The following HORMAD2 variants were observed in gnomAD, a reference collection of about 807,000 sequenced individuals.
HORMAD2 encodes the protein HORMA domain-containing protein 2.
In HORMAD2, 45 loss-of-function variants were observed where a neutral mutation model predicts 38.8. That is an observed-to-expected ratio of 1.16 (90% confidence interval 0.91 to 1.49). HORMAD2 has a LOEUF of 1.49. Ranked by LOEUF, HORMAD2 falls within the 40% of genes most tolerant of loss-of-function variation. The pLI is 0.00. For missense variants in HORMAD2, 338 were observed against 367.0 expected, an observed-to-expected ratio of 0.92 and a Z score of 0.65; for synonymous variants, 126 against 122.8, an observed-to-expected ratio of 1.03 and a Z score of -0.17.
At chr22:30,165,953 T>A (rs1925752215) in intron 10 of HORMAD2, among the ~76,000 whole-genome samples, 1 of 151,504 alleles carries the variant, frequency 6.6e-6, no homozygotes, top group African/African-American at 2.4e-5. Flanking sequence ...TCCCTTTATT[T>A]TTATTATTAT....
chr22:30,156,340 AT>A (rs1431253944), intron 10 of HORMAD2, among the ~76,000 whole-genome samples: 1 of 152,224 alleles, frequency 6.6e-6, no homozygotes, highest in Non-Finnish European at 1.5e-5. Context: ...AAAAAAGCAT[AT>A]ATTATTAGTA....
intron 2 of HORMAD2, among the ~76,000 whole-genome samples, chr22:30,095,142 T>G (rs551504058): frequency 6.6e-6 from 1 of 152,288 alleles, no homozygotes; most frequent in Admixed American, 6.5e-5. Flanking sequence ...TTCTTCTGTC[T>G]GTGTATTTAT....
intron 10 of HORMAD2, among the ~76,000 whole-genome samples, chr22:30,129,217 C>CA (rs750796623): frequency 0.016 from 369 of 22,640 alleles, 86 homozygotes; most frequent in Non-Finnish European, 0.025. Flanking sequence ...GACTCTATCT[C>CA]AAAAAAAAAA....
At chr22:30,142,414 T>G (rs768777209) in intron 10 of HORMAD2, among the ~76,000 whole-genome samples, 12 of 152,236 alleles carry the variant, frequency 7.9e-5, no homozygotes, top group Non-Finnish European at 1.5e-4. Flanking sequence ...TAGTTTAGAC[T>G]GTTGTTCAGA....
the HORMAD2 span, among the ~76,000 whole-genome samples, chr22:30,200,724 C>G: frequency 8.2e-6 from 1 of 122,154 alleles, no homozygotes; most frequent in Admixed American, 9.3e-5. Context: ...TTAAAAACAA[C>G]AGAAATGTAT....
downstream of HORMAD2, among the ~76,000 whole-genome samples, chr22:30,181,707 G>A (rs1016946536): frequency 5.9e-5 from 9 of 152,190 alleles, no homozygotes; most frequent in African/African-American, 9.7e-5. Flanking sequence ...GTTCCAAAGC[G>A]TAGAACATAG....
At position 30,121,990 on chromosome 22, in the gene HORMAD2, G is replaced by A. The variant is rs755814054; in HGVS notation, c.595G>A (p.Gly199Ser). Reference sequence around the variant, plus strand: ...GACCCCACATGATTACCAACCCCTCGGTTTTAAAGAAGGGGTAAATTCACA... The same window carrying A: ...GACCCCACATGATTACCAACCCCTCAGTTTTAAAGAAGGGGTAAATTCACA... ...AVTPHDYQPL[G>S]FKEGVNSHFL... The change falls in exon 10 of 11, where the codon GGT (glycine) becomes AGT (serine). Residue 199 changes from glycine to serine, a missense_variant. Coordinates refer to ENST00000336726, the MANE Select transcript of HORMAD2 (RefSeq NM_152510.4). The A allele has an allele frequency of 8.1e-6, 13 of 1,611,376 alleles. No individual in the cohort carries two copies. The highest frequency in any genetic ancestry group is 1.3e-5 in the African/African-American group (1 of 74,830).
At chr22:30,134,525 G>T (rs1166634748) in intron 10 of HORMAD2, among the ~76,000 whole-genome samples, 2 of 149,880 alleles carry the variant, frequency 1.3e-5, no homozygotes, top group Admixed American at 6.7e-5. Flanking sequence ...GAGGCCAATT[G>T]TGTTTCTAAC....
chr22:30,202,931 C>T, the HORMAD2 span, among the ~76,000 whole-genome samples: 1 of 152,140 alleles, frequency 6.6e-6, no homozygotes, highest in Admixed American at 6.6e-5. Context: ...AGAGCCACTC[C>T]CTGAGGTGGA....
At chr22:30,131,755 C>T (rs1923301326) in intron 10 of HORMAD2, among the ~76,000 whole-genome samples, 1 of 152,144 alleles carries the variant, frequency 6.6e-6, no homozygotes, top group Non-Finnish European at 1.5e-5. Context: ...GCCTGGATTT[C>T]TGCATCTTAT....
At chr22:30,183,805 G>A in the HORMAD2 span, among the ~76,000 whole-genome samples, 3 of 152,182 alleles carry the variant, frequency 2.0e-5, no homozygotes, top group Admixed American at 6.5e-5. Flanking sequence ...GATATAGAAG[G>A]AAGTTGTCCA....
At chr22:30,174,800 A>G (rs537454678) in intron 10 of HORMAD2, among the ~76,000 whole-genome samples, 13 of 152,300 alleles carry the variant, frequency 8.5e-5, no homozygotes, top group Non-Finnish European at 1.8e-4. Context: ...CATCTCCTAG[A>G]TAACAACTTG....
At chr22:30,133,276 G>A (rs1923411138) in intron 10 of HORMAD2, among the ~76,000 whole-genome samples, 1 of 151,952 alleles carries the variant, frequency 6.6e-6, no homozygotes, top group Non-Finnish European at 1.5e-5. Flanking sequence ...ATGAGATTAT[G>A]CTTGTAACAA....
the HORMAD2 span, among the ~76,000 whole-genome samples, chr22:30,191,515 G>A: frequency 6.6e-6 from 1 of 152,066 alleles, no homozygotes; most frequent in Non-Finnish European, 1.5e-5. Context: ...CAGTTGGGAG[G>A]AATTAGAGTC....
intron 10 of HORMAD2, among the ~76,000 whole-genome samples, chr22:30,141,920 C>A (rs1407473671): frequency 6.6e-6 from 1 of 152,082 alleles, no homozygotes; most frequent in East Asian, 1.9e-4. Context: ...TATTTCTATC[C>A]TTTTACATTT....
chr22:30,161,199 C>G (rs1033669322), intron 10 of HORMAD2, among the ~76,000 whole-genome samples: 2 of 152,174 alleles, frequency 1.3e-5, no homozygotes, highest in African/African-American at 4.8e-5. Context: ...GATCTTCCAT[C>G]TTAGACAATT....
At chr22:30,111,860 C>A (rs772994774) in intron 6 of HORMAD2, 44 bp downstream of exon 6, 1 of 1,496,022 alleles carries the variant, frequency 6.7e-7, no homozygotes, top group Non-Finnish European at 9.1e-7. Flanking sequence ...GTCTCTATTT[C>A]ATTGTCTTTT....
At chr22:30,137,044 C>A in intron 10 of HORMAD2, 2 of 374,240 alleles carry the variant, frequency 5.3e-6, no homozygotes, top group East Asian at 5.2e-5. Flanking sequence ...TTAGTAAAAT[C>A]AACACAAAAC....
chr22:30,156,509 T>C (rs1266130267), intron 10 of HORMAD2, among the ~76,000 whole-genome samples: 1 of 152,250 alleles, frequency 6.6e-6, no homozygotes. Flanking sequence ...TTTGGTATTA[T>C]GGACACAGTC....
Sources: gnomAD v4.1 joint callset for allele counts (sites outside exome capture counted in the v4.1 genomes callset) on GRCh38, gnomAD v4.1.1 for gene constraint, MANE v1.5 for transcripts, NCBI Gene and HGNC (gene_info 2026-07-23, HGNC 2026-07-21) for gene names.